The following ZNF646 variants were observed in gnomAD, a reference collection of about 807,000 sequenced individuals.
The protein encoded by ZNF646 is zinc finger protein 646.
Under a neutral mutation model 115.4 loss-of-function variants are expected in ZNF646, and 49 were observed. That is an observed-to-expected ratio of 0.42 (90% CI 0.34 to 0.54). The LOEUF is 0.54. Among genes scored for constraint, ZNF646 ranks in the 20% least tolerant of loss-of-function variants. ZNF646 has a pLI of 0.04. For synonymous variants in ZNF646, 933 were observed against 939.0 expected (o/e 0.99, Z 0.12); for missense variants, 2,269 against 2,457.9 (o/e 0.92, Z 1.62).
Position 31,083,465 on chromosome 16 carries a change from A to T in ZNF646, c.*373A>T. Reference sequence around the variant, plus strand: ...ATTTTGTAACAATTTATTTAAGTTTAAAAAAAGGAAAACTGCTGCCCCCCA... The same window carrying T: ...ATTTTGTAACAATTTATTTAAGTTTTAAAAAAGGAAAACTGCTGCCCCCCA... On this transcript the variant is annotated 3_prime_UTR_variant, in exon 3 of 3. Transcript: ENST00000300850. The T allele has an allele frequency of 3.8e-6, 5 of 1,303,678 alleles. No homozygotes were observed. The highest frequency in any genetic ancestry group is 1.5e-5 in the African/African-American group (1 of 65,370). 80.8% of individuals were successfully genotyped at this position (1,303,678 alleles called of 1,614,324 possible).
chr16:31,083,928 G>C lies in ZNF646; in HGVS notation c.*836G>C, dbSNP rs558961382. On this transcript the variant is annotated 3_prime_UTR_variant, in exon 3 of 3. Coordinates refer to ENST00000300850, the MANE Select transcript of ZNF646 (RefSeq NM_014699.4). Reference sequence around the variant, plus strand: ...GGCCGCCATGACAGATGAGAATACTGAGGCTCAAAGCGGTTGAGCAGCCTG... The same window carrying C: ...GGCCGCCATGACAGATGAGAATACTCAGGCTCAAAGCGGTTGAGCAGCCTG... The C allele has an allele frequency of 9.0e-6, 14 of 1,555,310 alleles. No individual in the cohort carries two copies. The East Asian group carries it at 3.0e-4, about 34-fold the overall frequency.
Position 31,083,564 on chromosome 16 carries a change from C to T in ZNF646, c.*472C>T, listed in dbSNP as rs146889052. Reference sequence around the variant, plus strand: ...GGGTAAAGGAGGAGGAAAGCTGAGACGCCTGCTTGGTAGCAGAGTTGGGTG... The same window carrying T: ...GGGTAAAGGAGGAGGAAAGCTGAGATGCCTGCTTGGTAGCAGAGTTGGGTG... On this transcript the variant is annotated 3_prime_UTR_variant, in exon 3 of 3. Transcript: ENST00000300850. The T allele has an allele frequency of 1.2e-5, 17 of 1,436,992 alleles. No individual in the cohort carries two copies. Among genetic ancestry groups the T allele is most frequent in the South Asian group, 4.5e-5 (3 of 66,212 alleles). 89.0% of individuals were successfully genotyped at this position (1,436,992 alleles called of 1,614,324 possible). A position where few individuals can be genotyped will look rare whatever the true frequency, so the allele number is the denominator to read the frequency against.
rs767200695 is a variant in ZNF646, at chr16:31,076,497, G to A, written c.173G>A (p.Arg58His). 1.2e-5 allele frequency: 20 copies of A among 1,613,736 alleles called. 1 individual carries two copies. The highest frequency in any genetic ancestry group is 6.6e-5 in the South Asian group (6 of 91,068). Residue 58 changes from arginine (R) to histidine (H), a missense_variant, in exon 2 of 3, where the codon CGT (arginine) becomes CAT (histidine). Physicochemically the swap from Arg to His is conservative, Grantham distance 29 (BLOSUM62 0). This residue lies in a region of ZNF646 where 334 missense variants were observed against 323.5 expected (regional missense o/e 1.03). Coordinates refer to ENST00000300850, the MANE Select transcript of ZNF646 (RefSeq NM_014699.4). ...YRCQQCGRGYRHPGSLVNHRR... is the reference protein window; with the variant it reads ...YRCQQCGRGYHHPGSLVNHRR... ...TGTCAGCAGTGTGGGCGGGGCTACC[G>A]TCACCCCGGGAGCCTGGTTAACCAT...
rs1394509394 is a variant in ZNF646, at chr16:31,077,801, C to G, written c.1477C>G (p.Gln493Glu). The G allele has an allele frequency of 6.2e-7, 1 of 1,613,914 alleles. No homozygotes were observed. The highest frequency in any genetic ancestry group is 1.1e-5 in the South Asian group (1 of 91,084). The change falls in exon 2 of 3, where the codon CAG becomes GAG. Residue 493 changes from glutamine to glutamate, a missense_variant. Gln to Glu is a conservative substitution (Grantham distance 29). This residue lies in a region of ZNF646 where 852 missense variants were observed against 900.2 expected (regional missense o/e 0.95). Transcript: ENST00000300850. Reference protein sequence around the residue: ...HRHSHRTGEYQCSLCPRKYPN... With the variant: ...HRHSHRTGEYECSLCPRKYPN... The stretch of plus-strand genomic sequence containing the variant: ...CCACAGCCATCGGACTGGAGAGTAC[C>G]AGTGCTCACTCTGTCCCCGCAAGTA...
intron 2 of ZNF646, chr16:31,082,736 T>G: frequency 1.8e-6 from 1 of 541,298 alleles, no homozygotes; most frequent in South Asian, 2.6e-5. Context: ...CAGGTGGGAG[T>G]CACCTGAAAG....
rs1369535255 is a variant in ZNF646 at position 31,077,836 on chromosome 16, C to T, written c.1512C>T (p.Leu504=). The change falls in exon 2 of 3, where the codon CTC becomes CTT. Residue 504 remains leucine (L), a synonymous_variant. Coordinates refer to ENST00000300850, the MANE Select transcript of ZNF646 (RefSeq NM_014699.4). ...CSLCPRKYPN[L]MALRNHVRVH... ...TCTGTCCCCGCAAGTACCCCAATCT[C>T]ATGGCCCTGCGCAACCACGTGCGGG... 1.2e-6 allele frequency: 2 copies of T among 1,613,910 alleles called. No individual in the cohort carries two copies. Among genetic ancestry groups the T allele is most frequent in the Non-Finnish European group, 1.7e-6 (2 of 1,180,038 alleles).
chr16:31,078,421 A>G lies in ZNF646; in HGVS notation c.2097A>G (p.Leu699=). The G allele has an allele frequency of 6.2e-7, 1 of 1,607,566 alleles. No individual in the cohort carries two copies. The highest frequency in any genetic ancestry group is 8.5e-7 in the Non-Finnish European group (1 of 1,176,094). ...LLAAESWTRE[L]EDNEGLESPQ... ...CAGCGGAGAGCTGGACCCGGGAGCT[A>G]GAAGACAATGAAGGCCTGGAGTCTC... The change falls in exon 2 of 3, where the codon CTA becomes CTG. Residue 699 remains leucine, a synonymous_variant. Transcript: ENST00000300850.
chr16:31,081,907 G>C (rs181120246), intron 2 of ZNF646: 3 of 889,840 alleles, frequency 3.4e-6, no homozygotes, highest in Non-Finnish European at 5.0e-6. Context: ...AAATAGCAGG[G>C]TGGGTTGGGC....
In ZNF646 at chr16:31,083,984, A is replaced by G; in HGVS notation, c.*892A>G. On this transcript the variant is annotated 3_prime_UTR_variant, in exon 3 of 3. Coordinates refer to ENST00000300850, the MANE Select transcript of ZNF646 (RefSeq NM_014699.4). ...AGTCACACGATGACAAAGAACCAGA[A>G]TCTGAATCAAATGGGTCTGCCTGTT... is the stretch of plus-strand genomic sequence containing the variant. The G allele has an allele frequency of 6.7e-7, 1 of 1,499,354 alleles. No homozygotes were observed. Among genetic ancestry groups the G allele is most frequent in the Non-Finnish European group, 8.9e-7 (1 of 1,119,534 alleles). The allele number at this position is 1,499,354 out of a possible 1,614,324, so 92.9% of individuals were successfully genotyped here.
In ZNF646 at chr16:31,079,687, T is replaced by G. The variant is rs759706026; in HGVS notation, c.3363T>G (p.Ser1121Arg). 30 of 1,613,196 alleles carry G rather than the reference T, an allele frequency of 1.9e-5. No individual in the cohort carries two copies. In the South Asian group the frequency reaches 3.2e-4, roughly 17 times the overall value. ...VGPIPEAAGS[S>R]ELQVGPIPEG... ...CCATCCCAGAGGCAGCAGGTAGCAG[T>G]GAGCTGCAGGTTGGGCCCATCCCAG... Residue 1121 changes from serine to arginine, a missense_variant, in exon 2 of 3, where the codon AGT (serine) becomes AGG (arginine). Coordinates refer to ENST00000300850, the MANE Select transcript of ZNF646 (RefSeq NM_014699.4). The surrounding 1 kb of genome is among the most constrained non-coding windows in gnomAD (Gnocchi z 5.5).
rs756922376 is a variant in ZNF646, at chr16:31,082,992, C to T, written c.5399C>T (p.Thr1800Met). Residue 1800 changes from threonine to methionine, a missense_variant, in exon 3 of 3, where the codon ACG becomes ATG. Physicochemically the swap from Thr to Met is moderately conservative, Grantham distance 81 (BLOSUM62 -1). Transcript: ENST00000300850. Reference sequence around the variant, plus strand: ...CCAGGAGCCCCAGTGGCACCAGTGACGGGCAGAGGGGACTTGCCATTGCCC... The same window carrying T: ...CCAGGAGCCCCAGTGGCACCAGTGATGGGCAGAGGGGACTTGCCATTGCCC... ...AGSGAPVAPV[T>M]GRGDLPLPPP... is the part of the protein sequence containing the mutation. 91 of 1,600,924 alleles carry T rather than the reference C, an allele frequency of 5.7e-5. 1 individual carries two copies. Among genetic ancestry groups the T allele is most frequent in the Non-Finnish European group, 7.0e-5 (82 of 1,173,940 alleles).
chr16:31,078,909 C>T lies in ZNF646; in HGVS notation c.2585C>T (p.Ala862Val), dbSNP rs751283654. 1 of 1,613,674 alleles carries T rather than the reference C, an allele frequency of 6.2e-7. No individual in the cohort carries two copies. Among genetic ancestry groups the T allele is most frequent in the Non-Finnish European group, 8.5e-7 (1 of 1,180,034 alleles). The change falls in exon 2 of 3, where the codon GCC (alanine) becomes GTC (valine). Residue 862 changes from alanine (A) to valine (V), a missense_variant. Coordinates refer to ENST00000300850, the MANE Select transcript of ZNF646 (RefSeq NM_014699.4). ...LCPKEFDSLP[A>V]LRSHFQNHRP... ...CCGAAGGAGTTTGACTCTCTGCCTG[C>T]CCTCCGCAGCCACTTCCAGAACCAT...
At position 31,076,403 on chromosome 16, in the gene ZNF646, C is replaced by G; in HGVS notation, c.79C>G (p.Arg27Gly). 2 of 1,614,098 alleles carry G rather than the reference C, an allele frequency of 1.2e-6. No individual in the cohort carries two copies. Among genetic ancestry groups the G allele is most frequent in the Non-Finnish European group, 1.7e-6 (2 of 1,180,010 alleles). ...CAGCCTCCCAGAGCTCTCTCGGCAC[C>G]GAGAACTGCTCCATCCATCTCCCAA... ...FPSLPELSRH[R>G]ELLHPSPNQD... Residue 27 changes from arginine to glycine, a missense_variant, in exon 2 of 3, where the codon CGA becomes GGA. Physicochemically the swap from Arg to Gly is moderately radical, Grantham distance 125 (BLOSUM62 -2). Around this residue, in one of 5 missense-constraint regions of ZNF646, gnomAD observed 334 missense variants for 323.5 expected, o/e 1.03. Coordinates refer to ENST00000300850, the MANE Select transcript of ZNF646 (RefSeq NM_014699.4).
At position 31,077,795 on chromosome 16, in the gene ZNF646, G is replaced by C. The variant is rs1473158238; in HGVS notation, c.1471G>C (p.Glu491Gln). 2 of 1,613,814 alleles carry C rather than the reference G, an allele frequency of 1.2e-6. No homozygotes were observed. Among genetic ancestry groups the C allele is most frequent in the African/African-American group, 2.7e-5 (2 of 74,932 alleles). The change falls in exon 2 of 3, where the codon GAG (glutamate) becomes CAG (glutamine). Residue 491 changes from glutamate to glutamine, a missense_variant. This residue lies in a region of ZNF646 where 852 missense variants were observed against 900.2 expected (regional missense o/e 0.95). Transcript: ENST00000300850. ...VNHRHSHRTGEYQCSLCPRKY... is the reference protein window; with the variant it reads ...VNHRHSHRTGQYQCSLCPRKY... ...CCATCGCCACAGCCATCGGACTGGA[G>C]AGTACCAGTGCTCACTCTGTCCCCG...
chr16:31,079,075 G>A lies in ZNF646; in HGVS notation c.2751G>A (p.Gly917=), dbSNP rs750911234. The A allele has an allele frequency of 2.5e-6, 4 of 1,575,092 alleles. No homozygotes were observed. The South Asian group carries it at 3.5e-5, about 14-fold the overall frequency. ...TGACTGAGGGCTCAGAGGAGGAGGG[G>A]GAAGAGGAAGGAGTGGCAGAGGCAG... ...SGMTEGSEEE[G]EEEGVAEAAP... The change falls in exon 2 of 3, where the codon GGG becomes GGA. Residue 917 remains glycine, a synonymous_variant. Transcript: ENST00000300850. The surrounding 1 kb of genome is among the most constrained non-coding windows in gnomAD (Gnocchi z 5.5).
In ZNF646 at chr16:31,076,883, T is replaced by A. The variant is rs549168537; in HGVS notation, c.559T>A (p.Trp187Arg). 1.2e-6 allele frequency: 2 copies of A among 1,614,030 alleles called. No homozygotes were observed. Among genetic ancestry groups the A allele is most frequent in the East Asian group, 4.5e-5 (2 of 44,876 alleles). The change falls in exon 2 of 3, where the codon TGG (tryptophan) becomes AGG (arginine). Residue 187 changes from tryptophan (W) to arginine (R), a missense_variant. Trp to Arg is a moderately radical substitution (Grantham distance 101, BLOSUM62 -3). This residue lies in a region of ZNF646 where 334 missense variants were observed against 323.5 expected (regional missense o/e 1.03). Coordinates refer to ENST00000300850, the MANE Select transcript of ZNF646 (RefSeq NM_014699.4). ...AGGTCCTGAGGATGGTGCAGACGGCTGGGGACCCTCCACTAACTCTGCCAG... is the reference window on the plus strand; with the variant it reads ...AGGTCCTGAGGATGGTGCAGACGGCAGGGGACCCTCCACTAACTCTGCCAG... ...HPGPEDGADG[W>R]GPSTNSARAP...
chr16:31,082,736 T>A (rs912019012), intron 2 of ZNF646: 10 of 541,180 alleles, frequency 1.8e-5, no homozygotes, highest in Non-Finnish European at 3.2e-5. Context: ...CAGGTGGGAG[T>A]CACCTGAAAG....
chr16:31,074,201 C>T (rs2057045522), upstream of ZNF646: 1 of 152,254 alleles, frequency 6.6e-6, no homozygotes, highest in Non-Finnish European at 1.5e-5. Flanking sequence ...ATTCAATATG[C>T]ACCGGAACGA....
intron 1 of ZNF646, among the ~76,000 whole-genome samples, chr16:31,074,971 CTCAG>C (rs1375799483): frequency 3.0e-4 from 46 of 152,140 alleles, no homozygotes; most frequent in African/African-American, 1.1e-3. Context: ...TGAAGACCGC[CTCAG>C]TCAGGGGGTT....
Sources: allele counts gnomAD v4.1 joint callset (sites outside exome capture counted in the v4.1 genomes callset), GRCh38; gene constraint gnomAD v4.1.1; regional missense constraint gnomAD v4.1.1; non-coding constraint Gnocchi (gnomAD v3.1); transcripts MANE v1.5; gene names NCBI Gene and HGNC (gene_info 2026-07-23, HGNC 2026-07-21).